NFATC1: variants seen among roughly 807,000 people sequenced by gnomAD.
The protein encoded by NFATC1 is nuclear factor of activated T cells 1.
In NFATC1, 22 loss-of-function variants were observed where a neutral mutation model predicts 76.0. The ratio of observed to expected loss-of-function variants is 0.29; its 90% CI spans 0.21 to 0.41. The LOEUF is 0.41. NFATC1 is among the 10% of genes least tolerant of loss of function. NFATC1 has a pLI of 1.00. For missense variants in NFATC1, 1,357 were observed against 1,337.7 expected (o/e 1.01, Z -0.23); for synonymous variants, 704 against 613.1 (o/e 1.15, Z -2.19).
In NFATC1 at chr18:79,457,149, T is replaced by C. The variant is rs141442760; in HGVS notation, c.1904-4162T>C. ...GCTGCTTTGTCACCACATGGCGTCT[T>C]TGGGAGCAGGACAGGTGGCCGGGCT... On this transcript the variant is annotated intron_variant, in intron 6 of 9. Coordinates refer to ENST00000427363, the MANE Select transcript of NFATC1 (RefSeq NM_001278669.2). Among the ~76,000 whole-genome samples the C allele has an allele frequency of 2.8e-4, 42 of 152,292 alleles. 1 individual carries two copies. Among genetic ancestry groups the C allele is most frequent in the African/African-American group, 6.3e-4 (26 of 41,564 alleles).
At position 79,477,596 on chromosome 18, in the gene NFATC1, T is replaced by C. The variant is rs1170047704; in HGVS notation, c.2093-8652T>C. On this transcript the variant is annotated intron_variant, in intron 8 of 9. Coordinates refer to ENST00000427363, the MANE Select transcript of NFATC1 (RefSeq NM_001278669.2). ...GAAGAAGGGAGTCCGGGGCACTGTC[T>C]CAGTCTTCGGGGCTTCCATAGTGGA... 3.4e-5 allele frequency among the ~76,000 whole-genome samples: 5 copies of C among 148,692 alleles called. No homozygotes were observed. In the East Asian group the frequency reaches 9.8e-4, roughly 29 times the overall value.
At chr18:79,444,769 C>T (rs903614265) in intron 3 of NFATC1, among the ~76,000 whole-genome samples, 1 of 148,114 alleles carries the variant, frequency 6.8e-6, no homozygotes, top group Non-Finnish European at 1.5e-5. Flanking sequence ...CACACCGGCG[C>T]TGCACACACA....
chr18:79,449,043 C>G, intron 4 of NFATC1, 59 bp downstream of exon 4: 1 of 1,559,530 alleles, frequency 6.4e-7, no homozygotes, highest in Non-Finnish European at 8.7e-7. Context: ...GCGTGCCTCC[C>G]TCCCAGTCCC....
At chr18:79,438,849 G>A (rs1002158214) in intron 3 of NFATC1, among the ~76,000 whole-genome samples, 5 of 152,206 alleles carry the variant, frequency 3.3e-5, no homozygotes, top group African/African-American at 9.6e-5. Context: ...GCCTTGGTGG[G>A]CCTCTCCTTC....
At chr18:79,464,323 G>C (rs1421157967) in intron 7 of NFATC1, among the ~76,000 whole-genome samples, 1 of 151,708 alleles carries the variant, frequency 6.6e-6, no homozygotes, top group Non-Finnish European at 1.5e-5. Context: ...TTGAACTCCT[G>C]ACCTCAGGTG....
At chr18:79,476,630 C>A (rs2089083313) in intron 8 of NFATC1, among the ~76,000 whole-genome samples, 3 of 152,134 alleles carry the variant, frequency 2.0e-5, no homozygotes, top group South Asian at 4.1e-4. Context: ...TGTAGGAAGC[C>A]CCCCACCGAT....
intron 9 of NFATC1, among the ~76,000 whole-genome samples, chr18:79,489,877 C>A (rs1002148733): frequency 6.6e-6 from 1 of 152,196 alleles, no homozygotes; most frequent in East Asian, 1.9e-4. Context: ...TCGGGGTTAG[C>A]GTACGGCGCT....
intron 2 of NFATC1, among the ~76,000 whole-genome samples, chr18:79,413,662 G>A (rs917403646): frequency 1.3e-5 from 2 of 152,228 alleles, no homozygotes; most frequent in South Asian, 2.1e-4. Flanking sequence ...CCTCAGCCCC[G>A]GTCTTACTGT....
chr18:79,467,498 A>G lies in NFATC1; in HGVS notation c.2008A>G (p.Ser670Gly). The change falls in exon 8 of 10, where the codon AGC becomes GGC. Residue 670 changes from serine (S) to glycine (G), a missense_variant. Around this residue, in one of 3 missense-constraint regions of NFATC1, gnomAD observed 424 missense variants for 395.4 expected, o/e 1.07. Transcript: ENST00000427363. ...GCCATTTCGGAATCAGAGGATAACC[A>G]GCCCCGTTCACGTCAGTTTCTACGT... ...IPPFRNQRITSPVHVSFYVCN... is the reference protein window; with the variant it reads ...IPPFRNQRITGPVHVSFYVCN... The G allele has an allele frequency of 6.2e-7, 1 of 1,612,864 alleles. No homozygotes were observed. The highest frequency in any genetic ancestry group is 8.5e-7 in the Non-Finnish European group (1 of 1,179,192).
intron 3 of NFATC1, among the ~76,000 whole-genome samples, chr18:79,439,143 C>T (rs949353142): frequency 1.3e-5 from 2 of 152,198 alleles, no homozygotes; most frequent in African/African-American, 4.8e-5. Flanking sequence ...ACGCACTGTT[C>T]CACGCAGGGC....
intron 1 of NFATC1, chr18:79,400,338 G>C (rs2085152941): frequency 1.5e-6 from 2 of 1,376,590 alleles, no homozygotes; most frequent in Non-Finnish European, 1.9e-6. Context: ...CGGGAGAACC[G>C]AACCCCTGGC....
chr18:79,521,804 G>T (rs1302406716), intron 9 of NFATC1, among the ~76,000 whole-genome samples: 2 of 350 alleles, frequency 5.7e-3, no homozygotes, highest in African/African-American at 0.012. Flanking sequence ...TATGTGTGTG[G>T]GGGGGGGCAT....
At chr18:79,426,384 G>C (rs1328446049) in intron 2 of NFATC1, among the ~76,000 whole-genome samples, 1 of 152,208 alleles carries the variant, frequency 6.6e-6, no homozygotes, top group East Asian at 1.9e-4. Flanking sequence ...AAAGGACTGT[G>C]TGGCCGGCTC....
At chr18:79,433,061 CTCAG>C (rs2086654149) in intron 2 of NFATC1, among the ~76,000 whole-genome samples, 1 of 152,230 alleles carries the variant, frequency 6.6e-6, no homozygotes, top group African/African-American at 2.4e-5. Context: ...CCTCCTGGCC[CTCAG>C]TCAGGGCCTT....
chr18:79,411,116 C>T lies in NFATC1; in HGVS notation c.841C>T (p.His281Tyr), dbSNP rs748423480. 14 of 1,612,358 alleles carry T rather than the reference C, an allele frequency of 8.7e-6. No individual in the cohort carries two copies. The highest frequency in any genetic ancestry group is 1.1e-5 in the Non-Finnish European group (13 of 1,179,744). ...CCGGCAGCCGCCCTACTCACCCCAC[C>T]ACTCGCCCACGCCGTCCCCGCACGG... is the stretch of plus-strand genomic sequence containing the variant. The part of the protein sequence containing the change: ...NGRQPPYSPH[H>Y]SPTPSPHGSP... The change falls in exon 2 of 10, where the codon CAC (histidine) becomes TAC (tyrosine). Residue 281 changes from histidine (H) to tyrosine (Y), a missense_variant. By Grantham distance (83) the His-to-Tyr change is moderately conservative. Around this residue, in one of 3 missense-constraint regions of NFATC1, gnomAD observed 691 missense variants for 613.1 expected, o/e 1.13. Coordinates refer to ENST00000427363, the MANE Select transcript of NFATC1 (RefSeq NM_001278669.2).
intron 9 of NFATC1, among the ~76,000 whole-genome samples, chr18:79,502,352 A>G (rs116077437): frequency 1.2e-3 from 189 of 152,370 alleles, no homozygotes; most frequent in African/African-American, 4.3e-3. Context: ...GACTAGTAGG[A>G]GCCAAAATAG....
At chr18:79,442,861 C>T in intron 3 of NFATC1, among the ~76,000 whole-genome samples, 1 of 152,084 alleles carries the variant, frequency 6.6e-6, no homozygotes, top group East Asian at 1.9e-4. Context: ...TCCCCACTCC[C>T]ACCCGGACAG....
chr18:79,466,704 G>C (rs1304196164), intron 7 of NFATC1, among the ~76,000 whole-genome samples: 1 of 152,218 alleles, frequency 6.6e-6, no homozygotes, highest in East Asian at 1.9e-4. Context: ...GGTCTGCGGG[G>C]GTCAGGGCCT....
chr18:79,412,490 ACTCAGGGGG>A (rs1230823539), intron 2 of NFATC1, among the ~76,000 whole-genome samples: 1 of 142,806 alleles, frequency 7.0e-6, no homozygotes, highest in Admixed American at 7.1e-5. Context: ...ATTAGCGAGC[ACTCAGGGGG>A]CGAGACCCCG....
Sources: allele counts gnomAD v4.1 joint callset (sites outside exome capture counted in the v4.1 genomes callset), GRCh38; gene constraint gnomAD v4.1.1; regional missense constraint gnomAD v4.1.1; transcripts MANE v1.5; gene names NCBI Gene and HGNC (gene_info 2026-07-23, HGNC 2026-07-21).